The following IKBKE variants were observed in gnomAD, a reference collection of about 807,000 sequenced individuals.
IKBKE encodes the protein inhibitor of nuclear factor kappa-B kinase subunit epsilon.
IKBKE carries 45 observed loss-of-function variants against 92.1 expected under a neutral mutation model. That is an observed-to-expected ratio of 0.49 (90% CI 0.38 to 0.63). The LOEUF is 0.63. Among genes scored for constraint, IKBKE ranks in the 20% least tolerant of loss-of-function variants. The pLI is 0.00. For synonymous variants in IKBKE, 374 were observed against 380.3 expected, an observed-to-expected ratio of 0.98 and a Z score of 0.19; for missense variants, 700 against 932.8, an observed-to-expected ratio of 0.75 and a Z score of 3.25.
chr1:206,473,977 A>AAG (rs1664918569), intron 3 of IKBKE, among the ~76,000 whole-genome samples: 2 of 151,444 alleles, frequency 1.3e-5, no homozygotes, highest in Admixed American at 1.3e-4. Context: ...AAAAAAAAAA[A>AAG]AAAAAAAGAA....
chr1:206,478,883 G>T lies in IKBKE; in HGVS notation c.993-60G>T, dbSNP rs536909484. On this transcript the variant is annotated intron_variant, in intron 9 of 21. Coordinates refer to ENST00000581977, the MANE Select transcript of IKBKE (RefSeq NM_014002.4). This position sits in a 1 kb window ranked among gnomAD's most constrained non-coding sequence, Gnocchi z 4.8. ...CTTAGCTGGGGCTTAGGTCACCCTA[G>T]CCCCCTGCCTTGCCTACTGACACCC... 4 of 1,299,294 alleles carry T rather than the reference G, an allele frequency of 3.1e-6. No individual in the cohort carries two copies. Among genetic ancestry groups the T allele is most frequent in the Non-Finnish European group, 2.2e-6 (2 of 894,250 alleles). The allele number at this position is 1,299,294 out of a possible 1,614,324, so 80.5% of individuals were successfully genotyped here. A position where few individuals can be genotyped will look rare whatever the true frequency, so the allele number is the denominator to read the frequency against.
intron 21 of IKBKE, among the ~76,000 whole-genome samples, chr1:206,495,481 G>A (rs1043902665): frequency 1.3e-5 from 2 of 152,184 alleles, no homozygotes; most frequent in Non-Finnish European, 2.9e-5. Context: ...AGGAGGTAGG[G>A]AAACCAGGAG....
chr1:206,485,332 G>T lies in IKBKE; in HGVS notation c.1616+26G>T, dbSNP rs1553388356. The T allele has an allele frequency of 2.9e-6, 4 of 1,400,192 alleles. No homozygotes were observed. In the East Asian group the frequency reaches 6.8e-5, roughly 24 times the overall value. The allele number at this position is 1,400,192 out of a possible 1,614,324, so 86.7% of individuals were successfully genotyped here. On this transcript the variant is annotated intron_variant, in intron 15 of 21. Transcript: ENST00000581977. The surrounding 1 kb of genome is among the most constrained non-coding windows in gnomAD (Gnocchi z 5.0). ...GTCTGTGGGATTTTCCTTCTTTGTG[G>T]GGTGGGAGTGGGGGAGTGGGCAGCT...
At position 206,476,960 on chromosome 1, in the gene IKBKE, C is replaced by G. The variant is rs1412315740; in HGVS notation, c.701+122C>G. 19 of 1,036,544 alleles carry G rather than the reference C, an allele frequency of 1.8e-5. No individual in the cohort carries two copies. The highest frequency in any genetic ancestry group is 2.5e-5 in the Admixed American group (1 of 40,646). The allele number at this position is 1,036,544 out of a possible 1,614,324, so 64.2% of individuals were successfully genotyped here. ...CATGGCCCTCCTCTGGTCCACCCCC[C>G]AACCCAGGCTCTTTGTAGATCTTTT... is the stretch of plus-strand genomic sequence containing the variant. On this transcript the variant is annotated intron_variant, in intron 7 of 21. Coordinates refer to ENST00000581977, the MANE Select transcript of IKBKE (RefSeq NM_014002.4). This position sits in a 1 kb window ranked among gnomAD's most constrained non-coding sequence, Gnocchi z 5.1.
At position 206,476,596 on chromosome 1, in the gene IKBKE, AGGC is replaced by A; in HGVS notation, c.541-79_541-77del. 1 of 1,480,336 alleles carries A rather than the reference AGGC, an allele frequency of 6.8e-7. No individual in the cohort carries two copies. Among genetic ancestry groups the A allele is most frequent in the Non-Finnish European group, 9.3e-7 (1 of 1,070,206 alleles). The allele number at this position is 1,480,336 out of a possible 1,614,324, so 91.7% of individuals were successfully genotyped here. A position where few individuals can be genotyped will look rare whatever the true frequency, so the allele number is the denominator to read the frequency against. On this transcript the variant is annotated intron_variant, in intron 6 of 21. Transcript: ENST00000581977. The surrounding 1 kb of genome is among the most constrained non-coding windows in gnomAD (Gnocchi z 5.1). ...TTTGAACAGTTCTGTTTTCACCTGC[AGGC>A]GGTGAAAGGGGGTCTGACAGGTCTC...
chr1:206,482,808 TC>T (rs1665475555), intron 13 of IKBKE, among the ~76,000 whole-genome samples: 1 of 152,214 alleles, frequency 6.6e-6, no homozygotes, highest in African/African-American at 2.4e-5. Flanking sequence ...TGCCTGAACA[TC>T]CCCAGACCTG....
rs2103455253 is a variant in IKBKE, at chr1:206,476,525, T to C, written c.541-153T>C. Among the ~76,000 whole-genome samples the C allele has an allele frequency of 6.6e-6, 1 of 152,142 alleles. No individual in the cohort carries two copies. Among genetic ancestry groups the C allele is most frequent in the East Asian group, 1.9e-4 (1 of 5,158 alleles). On this transcript the variant is annotated intron_variant, in intron 6 of 21. Transcript: ENST00000581977. This position sits in a 1 kb window ranked among gnomAD's most constrained non-coding sequence, Gnocchi z 5.1. ...GAAGAATGCATTCTGTTCTCTAAGA[T>C]GGAAAAGGTGAGGCTGACACCCATT...
At chr1:206,492,760 C>T (rs1553390866) in intron 18 of IKBKE, 1 of 613,466 alleles carries the variant, frequency 1.6e-6, no homozygotes, top group Admixed American at 2.2e-5. Context: ...CATGCGTCAC[C>T]CAGCCCCAGC....
chr1:206,483,927 T>TA (rs1558479755), intron 13 of IKBKE, among the ~76,000 whole-genome samples: 1 of 152,136 alleles, frequency 6.6e-6, no homozygotes, highest in Non-Finnish European at 1.5e-5. Context: ...TGGGAAGTTT[T>TA]AAAAATTTTT....
At chr1:206,489,168 T>C (rs1220286274) in intron 16 of IKBKE, among the ~76,000 whole-genome samples, 1 of 151,074 alleles carries the variant, frequency 6.6e-6, no homozygotes, top group Non-Finnish European at 1.5e-5. Flanking sequence ...GGCTCCTGAC[T>C]AGCTGGGACT....
chr1:206,484,462 C>A (rs147165677), intron 13 of IKBKE, among the ~76,000 whole-genome samples: 1 of 152,178 alleles, frequency 6.6e-6, no homozygotes, highest in Admixed American at 6.5e-5. Flanking sequence ...AGTGGTGTGA[C>A]CTTGTCACCG....
chr1:206,492,147 A>C, intron 18 of IKBKE: 1 of 313,830 alleles, frequency 3.2e-6, no homozygotes, highest in South Asian at 2.7e-5. Context: ...GATTCTTTCT[A>C]CCGTTCCACC....
At chr1:206,494,600 T>TC (rs1189623880) in intron 21 of IKBKE, among the ~76,000 whole-genome samples, 154 of 121,590 alleles carry the variant, frequency 1.3e-3, no homozygotes, top group Non-Finnish European at 2.1e-3. Context: ...TTCTTTTTTT[T>TC]TTTTTTTTTT....
In IKBKE at chr1:206,480,004, T is replaced by C; in HGVS notation, c.1249-18T>C. 1.2e-6 allele frequency: 2 copies of C among 1,611,032 alleles called. No homozygotes were observed. The highest frequency in any genetic ancestry group is 1.7e-6 in the Non-Finnish European group (2 of 1,178,786). ...GTAGGAGGTGTGGGACCTGGCCCTG[T>C]GCATCTCTGTGTTTCAGGGCGTGTT... On this transcript the variant is annotated intron_variant, in intron 11 of 21. Coordinates refer to ENST00000581977, the MANE Select transcript of IKBKE (RefSeq NM_014002.4).
chr1:206,496,509 C>T lies in IKBKE; in HGVS notation c.*364C>T, dbSNP rs1017361477. The T allele has an allele frequency of 1.1e-4, 35 of 304,448 alleles. No individual in the cohort carries two copies. The highest frequency in any genetic ancestry group is 6.7e-4 in the African/African-American group (32 of 47,918). The allele number at this position is 304,448 out of a possible 1,614,324, so 18.9% of individuals were successfully genotyped here. A position where few individuals can be genotyped will look rare whatever the true frequency, so the allele number is the denominator to read the frequency against. ...ACTCCCTCTGGTTTATAGGACTTCA[C>T]TCCCTAGCCAACAGGAGAGGAGGCC... is the stretch of plus-strand genomic sequence containing the variant. On this transcript the variant is annotated 3_prime_UTR_variant, in exon 22 of 22. Coordinates refer to ENST00000581977, the MANE Select transcript of IKBKE (RefSeq NM_014002.4).
chr1:206,492,973 G>T (rs868958522), intron 18 of IKBKE, 50 bp from the exon 19 acceptor site: 1 of 1,489,178 alleles, frequency 6.7e-7, no homozygotes, highest in Non-Finnish European at 9.2e-7. Context: ...GAGCCCTGGG[G>T]AATGGGCTGA....
Position 206,493,037 on chromosome 1 carries a change from C to A in IKBKE, c.1850C>A (p.Thr617Asn). Residue 617 changes from threonine to asparagine, a missense_variant, in exon 19 of 22, where the codon ACC becomes AAC. Physicochemically the swap from Thr to Asn is moderately conservative, Grantham distance 65. Coordinates refer to ENST00000581977, the MANE Select transcript of IKBKE (RefSeq NM_014002.4). ...GTTCTCTTGAGGGTGGTGCACGAGA[C>A]CAGGAACCACCTGCGCCTGGTTGGC... is the stretch of plus-strand genomic sequence containing the variant. ...HGKRMRVVHE[T>N]RNHLRLVGCS... 6.4e-7 allele frequency: 1 copy of A among 1,574,606 alleles called. No individual in the cohort carries two copies. Among genetic ancestry groups the A allele is most frequent in the East Asian group, 2.3e-5 (1 of 42,996 alleles).
In IKBKE at chr1:206,491,762, C is replaced by A. The variant is rs1553390476; in HGVS notation, c.1835+13C>A. 1.9e-6 allele frequency: 3 copies of A among 1,598,372 alleles called. No homozygotes were observed. The South Asian group carries it at 3.3e-5, about 18-fold the overall frequency. ...GCAAGAGGATGAGGTAACAGCCCCT[C>A]CTGAGCTCCTGGAGCCCAGGGCCTG... On this transcript the variant is annotated intron_variant, in intron 18 of 21. Coordinates refer to ENST00000581977, the MANE Select transcript of IKBKE (RefSeq NM_014002.4).
rs879974185 is a variant in IKBKE at position 206,473,449 on chromosome 1, A to G, written c.87+135A>G. 5 of 645,976 alleles carry G rather than the reference A, an allele frequency of 7.7e-6. No homozygotes were observed. In the East Asian group the frequency reaches 1.5e-4, roughly 19 times the overall value. The allele number at this position is 645,976 out of a possible 1,614,324, so 40.0% of individuals were successfully genotyped here. ...CCTCTGGATGTTGTGTAGCACACTC[A>G]TACTGTGGGTTTGAGCAGAGGCATA... On this transcript the variant is annotated intron_variant, in intron 3 of 21. Coordinates refer to ENST00000581977, the MANE Select transcript of IKBKE (RefSeq NM_014002.4).
Sources: allele counts gnomAD v4.1 joint callset (sites outside exome capture counted in the v4.1 genomes callset), GRCh38; gene constraint gnomAD v4.1.1; non-coding constraint Gnocchi (gnomAD v3.1); transcripts MANE v1.5; gene names NCBI Gene and HGNC (gene_info 2026-07-23, HGNC 2026-07-21).